PCNX1: variants seen among roughly 807,000 people sequenced by gnomAD.
PCNX1 encodes pecanex 1, also known as pecanex-like protein 1.
In PCNX1, 78 loss-of-function variants were observed where a neutral mutation model predicts 242.2. The ratio of observed to expected loss-of-function variants is 0.32; its 90% confidence interval spans 0.27 to 0.39. PCNX1 has a LOEUF of 0.39. PCNX1 is among the 10% of genes least tolerant of loss of function. PCNX1 has a pLI of 1.00. For synonymous variants in PCNX1, 1,024 were observed against 1,032.9 expected, an observed-to-expected ratio of 0.99 and a Z score of 0.17; for missense variants, 2,581 against 2,856.5, an observed-to-expected ratio of 0.90 and a Z score of 2.20.
At chr14:70,989,634 A>T (rs1595155169) in intron 7 of PCNX1, among the ~76,000 whole-genome samples, 1 of 146,106 alleles carries the variant, frequency 6.8e-6, no homozygotes, top group East Asian at 2.0e-4. Context: ...AGTTCAAGTG[A>T]TTCTCCTGGC....
At chr14:70,913,933 T>G (rs1409011927) in intron 1 of PCNX1, among the ~76,000 whole-genome samples, 1 of 152,226 alleles carries the variant, frequency 6.6e-6, no homozygotes, top group Non-Finnish European at 1.5e-5. Flanking sequence ...ATGGCCTGTT[T>G]AGATCTATTA....
intron 2 of PCNX1, among the ~76,000 whole-genome samples, chr14:70,950,915 A>G (rs1454287671): frequency 6.6e-6 from 1 of 151,782 alleles, no homozygotes; most frequent in Non-Finnish European, 1.5e-5. Flanking sequence ...GTGTCTTTAT[A>G]TCCTGTAATT....
In PCNX1 at chr14:70,949,295, G is replaced by GTAGA. The variant is rs551492519; in HGVS notation, c.362+2174_362+2175insGATA. On this transcript the variant is annotated intron_variant, in intron 2 of 35. Coordinates refer to ENST00000304743, the MANE Select transcript of PCNX1 (RefSeq NM_014982.3). ...CACACACGTGTATACACACACGTGT[G>GTAGA]TACACACATATGTGTGTAGATACAC... is the stretch of plus-strand genomic sequence containing the variant. Among the ~76,000 whole-genome samples, 456 of 106,528 alleles carry GTAGA rather than the reference G, an allele frequency of 4.3e-3. 1 individual carries two copies. Among genetic ancestry groups the GTAGA allele is most frequent in the Non-Finnish European group, 7.0e-3 (343 of 48,708 alleles). 69.9% of individuals were successfully genotyped at this position (106,528 alleles called of 152,430 possible).
intron 6 of PCNX1, among the ~76,000 whole-genome samples, chr14:70,985,348 G>A (rs1011574631): frequency 4.6e-5 from 7 of 152,102 alleles, no homozygotes; most frequent in African/African-American, 9.7e-5. Context: ...CCGAGTAGCC[G>A]AGATTACAGG....
In PCNX1 at chr14:71,073,525, G is replaced by GCT. The variant is rs71305844; in HGVS notation, c.4853-5_4853-4dup. On this transcript the variant is annotated intron_variant, in intron 26 of 35. Transcript: ENST00000304743. ...CTTTCTGGTTTTCCCCCTTTGTAAA[G>GCT]CTCTCTCTCTCTCTCTAAGGTACCT... The GCT allele has an allele frequency of 0.081, 121,886 of 1,506,328 alleles. 3,507 individuals carry two copies. The highest frequency in any genetic ancestry group is 0.2 in the Admixed American group (10,878 of 54,902). The allele number at this position is 1,506,328 out of a possible 1,614,324, so 93.3% of individuals were successfully genotyped here.
At chr14:71,056,603 T>G (rs2061187824) in intron 25 of PCNX1, among the ~76,000 whole-genome samples, 1 of 152,212 alleles carries the variant, frequency 6.6e-6, no homozygotes, top group Non-Finnish European at 1.5e-5. Flanking sequence ...ATTTACAGAT[T>G]ATCGCTTTGC....
At chr14:71,041,116 T>A (rs1294964190) in intron 19 of PCNX1, among the ~76,000 whole-genome samples, 1 of 152,212 alleles carries the variant, frequency 6.6e-6, no homozygotes, top group East Asian at 1.9e-4. Context: ...TTGGCTAATA[T>A]GAACAGTGCT....
At chr14:70,914,075 A>C (rs1270925256) in intron 1 of PCNX1, among the ~76,000 whole-genome samples, 1 of 152,170 alleles carries the variant, frequency 6.6e-6, no homozygotes, top group African/African-American at 2.4e-5. Context: ...ACACTGTCCA[A>C]AGATGGTTTA....
At chr14:70,973,828 C>CT (rs953326737) in intron 5 of PCNX1, among the ~76,000 whole-genome samples, 2 of 151,718 alleles carry the variant, frequency 1.3e-5, no homozygotes, top group African/African-American at 2.4e-5. Flanking sequence ...CACTGATAAA[C>CT]TTTTTTTTGC....
At chr14:70,968,565 G>A (rs1219652881) in intron 4 of PCNX1, among the ~76,000 whole-genome samples, 1 of 152,130 alleles carries the variant, frequency 6.6e-6, no homozygotes, top group Non-Finnish European at 1.5e-5. Context: ...GTAATTTGAT[G>A]TGAAACCTTC....
intron 1 of PCNX1, among the ~76,000 whole-genome samples, chr14:70,926,217 G>T (rs1187807016): frequency 6.6e-6 from 1 of 152,162 alleles, no homozygotes; most frequent in Non-Finnish European, 1.5e-5. Flanking sequence ...GGTTAGCCTT[G>T]TTCTGTGGCA....
chr14:70,965,657 C>T (rs769716167), intron 3 of PCNX1, among the ~76,000 whole-genome samples: 162 of 96,366 alleles, frequency 1.7e-3, no homozygotes, highest in Non-Finnish European at 2.7e-3. Context: ...AGTGAGACTC[C>T]GTCTCAAAAA....
chr14:70,988,314 T>C (rs1644558988), intron 6 of PCNX1, among the ~76,000 whole-genome samples: 1 of 152,122 alleles, frequency 6.6e-6, no homozygotes, highest in African/African-American at 2.4e-5. Flanking sequence ...GAAATTGAGG[T>C]TGAAGAGAAG....
chr14:71,033,785 T>C, intron 17 of PCNX1, 146 bp from the exon 18 acceptor site: 1 of 619,390 alleles, frequency 1.6e-6, no homozygotes, highest in Non-Finnish European at 2.9e-6. Flanking sequence ...TTATTTATGG[T>C]ATCCTAAACA....
chr14:71,101,671 A>AG (rs2062464427), intron 30 of PCNX1, among the ~76,000 whole-genome samples: 1 of 152,190 alleles, frequency 6.6e-6, no homozygotes, highest in Non-Finnish European at 1.5e-5. Flanking sequence ...ATCCTTCAAC[A>AG]GAAAAAAAAA....
Position 71,103,640 on chromosome 14 carries a change from C to T in PCNX1, c.6066C>T (p.Ile2022=), listed in dbSNP as rs1176621761. ...GGGGTCCTATCAGCTTGGGAAATAT[C>T]AGGAACTTCATAGTGTCAACCTGGC... ...ILGGPISLGN[I]RNFIVSTWHR... Residue 2022 remains isoleucine (I), a synonymous_variant, in exon 32 of 36, where the codon ATC becomes ATT. Coordinates refer to ENST00000304743, the MANE Select transcript of PCNX1 (RefSeq NM_014982.3). 22 of 1,613,946 alleles carry T rather than the reference C, an allele frequency of 1.4e-5. No homozygotes were observed. The highest frequency in any genetic ancestry group is 1.6e-5 in the Non-Finnish European group (19 of 1,179,990).
intron 1 of PCNX1, among the ~76,000 whole-genome samples, chr14:70,932,373 T>G (rs1270873871): frequency 6.6e-6 from 1 of 152,078 alleles, no homozygotes; most frequent in Non-Finnish European, 1.5e-5. Context: ...TATCTTTGTG[T>G]TTTGAAAGGG....
At position 71,108,590 on chromosome 14, in the gene PCNX1, G is replaced by C; in HGVS notation, c.6302-14G>C. 6.3e-7 allele frequency: 1 copy of C among 1,588,056 alleles called. No individual in the cohort carries two copies. The highest frequency in any genetic ancestry group is 2.2e-5 in the East Asian group (1 of 44,450). ...CATTCTACTTTGAGTGAGTGCTGCTGTTTCTCCTCCTAGGCACTAGCCACA... is the reference window on the plus strand; with the variant it reads ...CATTCTACTTTGAGTGAGTGCTGCTCTTTCTCCTCCTAGGCACTAGCCACA... On this transcript the variant is annotated splice_polypyrimidine_tract_variant and intron_variant, in intron 33 of 35. Coordinates refer to ENST00000304743, the MANE Select transcript of PCNX1 (RefSeq NM_014982.3).
chr14:71,036,849 A>T (rs780485907), intron 19 of PCNX1, among the ~76,000 whole-genome samples: 3 of 152,094 alleles, frequency 2.0e-5, no homozygotes, highest in Non-Finnish European at 4.4e-5. Context: ...CTTGATGGGG[A>T]TGGCATTGAA....
Sources: gnomAD v4.1 joint callset for allele counts (sites outside exome capture counted in the v4.1 genomes callset) on GRCh38, gnomAD v4.1.1 for gene constraint, MANE v1.5 for transcripts, NCBI Gene and HGNC (gene_info 2026-07-23, HGNC 2026-07-21) for gene names.